AACS: variants seen among roughly 807,000 people sequenced by gnomAD.
AACS encodes the protein acetoacetyl-CoA synthetase.
In AACS, 69 loss-of-function variants were observed where a neutral mutation model predicts 83.1. The observed-to-expected ratio is 0.83, with a 90% CI of 0.68 to 1.01. The LOEUF is 1.01. Among genes scored for constraint, AACS ranks in the 50% least tolerant of loss-of-function variants. The pLI is 0.00. For synonymous variants in AACS, 333 were observed against 343.4 expected (o/e 0.97, Z 0.33); for missense variants, 866 against 882.2 (o/e 0.98, Z 0.23).
At chr12:125,110,514 C>T (rs1179399709) in intron 8 of AACS, among the ~76,000 whole-genome samples, 3 of 152,194 alleles carry the variant, frequency 2.0e-5, no homozygotes, top group Non-Finnish European at 1.5e-5. Flanking sequence ...ATGCTTGCGA[C>T]GCCGTGGCTC....
At chr12:125,116,122 C>A (rs536495313) in intron 9 of AACS, among the ~76,000 whole-genome samples, 1 of 152,274 alleles carries the variant, frequency 6.6e-6, no homozygotes, top group African/African-American at 2.4e-5. Context: ...CCAGTGCCAG[C>A]CCCACCCCCA....
At chr12:125,117,199 G>T (rs1293606743) in intron 9 of AACS, among the ~76,000 whole-genome samples, 1 of 152,072 alleles carries the variant, frequency 6.6e-6, no homozygotes, top group Non-Finnish European at 1.5e-5. Context: ...ATCACTTGAG[G>T]TCAGGAGTTT....
chr12:125,119,082 A>G (rs1957109032), intron 10 of AACS, among the ~76,000 whole-genome samples: 1 of 152,188 alleles, frequency 6.6e-6, no homozygotes, highest in Non-Finnish European at 1.5e-5. Context: ...TTTTTAGTAA[A>G]AATGGTATGT....
intron 5 of AACS, among the ~76,000 whole-genome samples, chr12:125,096,343 T>A (rs912245450): frequency 6.6e-6 from 1 of 152,190 alleles, no homozygotes; most frequent in Non-Finnish European, 1.5e-5. Context: ...AAATGCTCAA[T>A]ATGTTTTAAC....
Position 125,097,709 on chromosome 12 carries a change from G to A in AACS, c.571-4970G>A, listed in dbSNP as rs1027040319. 2.2e-4 allele frequency among the ~76,000 whole-genome samples: 33 copies of A among 152,146 alleles called. No individual in the cohort carries two copies. Among genetic ancestry groups the A allele is most frequent in the African/African-American group, 2.9e-4 (12 of 41,426 alleles). The stretch of plus-strand genomic sequence containing the variant: ...TTCCCCCTGTCCAGTCAGCACTGGC[G>A]GGGCTGCCAGAAGTTCTCAAGACTC... On this transcript the variant is annotated intron_variant, in intron 5 of 17. Transcript: ENST00000316519. The surrounding 1 kb of genome is among the most constrained non-coding windows in gnomAD (Gnocchi z 4.3).
At chr12:125,103,283 G>A (rs1402435785) in intron 7 of AACS, among the ~76,000 whole-genome samples, 1 of 152,232 alleles carries the variant, frequency 6.6e-6, no homozygotes, top group Non-Finnish European at 1.5e-5. Flanking sequence ...ATGAGTGGCG[G>A]AAGAGAGACA....
At chr12:125,092,158 C>G (rs939314440) in intron 5 of AACS, among the ~76,000 whole-genome samples, 1 of 152,226 alleles carries the variant, frequency 6.6e-6, no homozygotes, top group Non-Finnish European at 1.5e-5. Flanking sequence ...CTGGGGCCCC[C>G]ACTCCCCAGC....
intron 1 of AACS, among the ~76,000 whole-genome samples, chr12:125,068,239 T>C (rs370750809): frequency 6.6e-6 from 1 of 152,260 alleles, no homozygotes; most frequent in East Asian, 1.9e-4. Flanking sequence ...GGTGGATCTT[T>C]TGAGCCTAGG....
chr12:125,099,110 A>G (rs148812184), intron 5 of AACS, among the ~76,000 whole-genome samples: 3 of 152,232 alleles, frequency 2.0e-5, no homozygotes, highest in East Asian at 1.9e-4. Context: ...TGATTAAAGC[A>G]TGGGTTTGGA....
intron 4 of AACS, among the ~76,000 whole-genome samples, chr12:125,087,811 C>T (rs1456748692): frequency 6.6e-6 from 1 of 152,226 alleles, no homozygotes; most frequent in Admixed American, 6.5e-5. Flanking sequence ...CCTTGAGTAA[C>T]AGGACTGGAC....
intron 3 of AACS, among the ~76,000 whole-genome samples, chr12:125,085,394 G>A (rs74733046): frequency 0.011 from 1,578 of 143,432 alleles, 34 homozygotes; most frequent in African/African-American, 0.039. Flanking sequence ...CATCTGTTTC[G>A]TGGAACCACA....
At chr12:125,135,669 A>C (rs1004137204) in intron 16 of AACS, 1 of 152,304 alleles carries the variant, frequency 6.6e-6, no homozygotes, top group Non-Finnish European at 1.5e-5. Context: ...TGGCCAGGGT[A>C]GAGAAATCCC....
chr12:125,110,689 G>T (rs1956936674), intron 8 of AACS, among the ~76,000 whole-genome samples: 1 of 152,216 alleles, frequency 6.6e-6, no homozygotes, highest in African/African-American at 2.4e-5. Context: ...AAACTCAGAA[G>T]AAGAGAATTC....
rs191629299 is a variant in AACS, at chr12:125,077,435, A to G, written c.358+824A>G. ...TGAGGCAGGAGAATGGTGTGAACCC[A>G]GGAGGCGGAGCTTGCAGTGAGCTGA... is the stretch of plus-strand genomic sequence containing the variant. On this transcript the variant is annotated intron_variant, in intron 3 of 17. Coordinates refer to ENST00000316519, the MANE Select transcript of AACS (RefSeq NM_023928.5). Among the ~76,000 whole-genome samples the G allele has an allele frequency of 7.1e-3, 1,074 of 150,768 alleles. 21 individuals carry two copies. The highest frequency in any genetic ancestry group is 0.06 in the South Asian group (285 of 4,734).
chr12:125,136,896 C>T (rs757383908), intron 17 of AACS, 32 bp downstream of exon 17: 22 of 1,604,596 alleles, frequency 1.4e-5, no homozygotes, highest in Non-Finnish European at 1.8e-5. Context: ...GAGGAGACCG[C>T]AGCCATCGCC....
intron 1 of AACS, among the ~76,000 whole-genome samples, chr12:125,066,417 C>G (rs1241370087): frequency 6.6e-6 from 1 of 150,778 alleles, no homozygotes; most frequent in African/African-American, 2.4e-5. Context: ...AGCTCCACCC[C>G]TCCACCCTGC....
intron 1 of AACS, among the ~76,000 whole-genome samples, chr12:125,071,307 G>T (rs919577301): frequency 6.6e-6 from 1 of 152,184 alleles, no homozygotes; most frequent in Non-Finnish European, 1.5e-5. Flanking sequence ...TACCCTGTTG[G>T]TGACACAGAT....
intron 1 of AACS, among the ~76,000 whole-genome samples, chr12:125,072,919 GTTTTTTTTTTTTTT>G (rs200182531): frequency 1.0e-4 from 9 of 90,390 alleles, no homozygotes; most frequent in Non-Finnish European, 2.0e-4. Context: ...TGTAACTTTT[GTTTTTTTTTTTTTT>G]TTTTTTTTTT....
At chr12:125,122,280 A>C (rs1263334518) in intron 10 of AACS, 2 of 152,246 alleles carry the variant, frequency 1.3e-5, no homozygotes, top group Non-Finnish European at 2.9e-5. Context: ...TTTTTCCCCG[A>C]GTGGAATGGA....
Sources: gnomAD v4.1 joint callset for allele counts (sites outside exome capture counted in the v4.1 genomes callset) on GRCh38, gnomAD v4.1.1 for gene constraint, Gnocchi (gnomAD v3.1) non-coding constraint, MANE v1.5 for transcripts, NCBI Gene and HGNC (gene_info 2026-07-23, HGNC 2026-07-21) for gene names.